RAD18: variants seen among roughly 807,000 people sequenced by gnomAD.
RAD18 encodes the protein E3 ubiquitin-protein ligase RAD18.
RAD18 carries 47 observed loss-of-function variants against 60.4 expected under a neutral mutation model. The ratio of observed to expected loss-of-function variants is 0.78; its 90% CI spans 0.62 to 0.99. The LOEUF (loss-of-function observed/expected upper bound fraction) is 0.99, where lower values mean the gene tolerates loss of function less well. RAD18 is among the 50% of genes least tolerant of loss of function. RAD18 has a pLI of 0.00. For missense variants in RAD18, 640 were observed against 593.3 expected (o/e 1.08, Z -0.82); for synonymous variants, 225 against 195.5 (o/e 1.15, Z -1.26).
intron 7 of RAD18, among the ~76,000 whole-genome samples, chr3:8,919,706 G>C (rs1311465331): frequency 6.6e-6 from 1 of 152,220 alleles, no homozygotes; most frequent in Non-Finnish European, 1.5e-5. Context: ...AGCATAGCTG[G>C]TAGCCATATC....
intron 6 of RAD18, among the ~76,000 whole-genome samples, chr3:8,937,169 C>A (rs1940667562): frequency 6.6e-6 from 1 of 152,164 alleles, no homozygotes; most frequent in South Asian, 2.1e-4. Context: ...AAAATGAAAT[C>A]TCAGTAGGTA....
At chr3:8,940,648 A>G (rs1442861250) in intron 5 of RAD18, among the ~76,000 whole-genome samples, 1 of 152,238 alleles carries the variant, frequency 6.6e-6, no homozygotes, top group Non-Finnish European at 1.5e-5. Context: ...ACAAGCTGAC[A>G]TATTCATCAA....
Position 8,935,856 on chromosome 3 carries a change from G to A in RAD18, c.889+15C>T. The A allele has an allele frequency of 6.5e-7, 1 of 1,544,644 alleles. No homozygotes were observed. Among genetic ancestry groups the A allele is most frequent in the South Asian group, 1.2e-5 (1 of 80,374 alleles). On this transcript the variant is annotated intron_variant, in intron 7 of 12. Transcript: ENST00000264926. ...ATCCAGAAAGTAAGCATAACTCACT[G>A]TTTTATTACTTTACCTGATTTAGGA...
At chr3:8,963,107 A>G (rs900448691) in intron 1 of RAD18, among the ~76,000 whole-genome samples, 14 of 152,174 alleles carry the variant, frequency 9.2e-5, no homozygotes, top group African/African-American at 2.9e-4. Flanking sequence ...AGCTGGTGCC[A>G]TAAGACTGCC....
intron 11 of RAD18, among the ~76,000 whole-genome samples, chr3:8,896,425 C>CAA (rs58427885): frequency 2.6e-5 from 4 of 151,726 alleles, no homozygotes; most frequent in East Asian, 1.9e-4. Context: ...TGGAGAACAG[C>CAA]AAAAAAAAGC....
At chr3:8,935,479 G>A (rs386831) in intron 7 of RAD18, among the ~76,000 whole-genome samples, 107,045 of 151,920 alleles carry the variant, frequency 0.7, 38,153 homozygotes, top group Middle Eastern at 0.78. Context: ...GAAGTGGGTA[G>A]TTATTATAAC....
At chr3:8,882,177 T>C (rs998298738) in intron 12 of RAD18, among the ~76,000 whole-genome samples, 2 of 152,128 alleles carry the variant, frequency 1.3e-5, no homozygotes, top group Non-Finnish European at 2.9e-5. Flanking sequence ...TTCTCTCCCA[T>C]GAAGCATAAG....
intron 2 of RAD18, among the ~76,000 whole-genome samples, chr3:8,950,225 G>A (rs1262442542): frequency 6.6e-6 from 1 of 152,002 alleles, no homozygotes; most frequent in East Asian, 1.9e-4. Context: ...TAGTAGAGAT[G>A]GGGTTTCGCC....
chr3:8,889,258 T>A (rs1308085792), intron 12 of RAD18, among the ~76,000 whole-genome samples: 5 of 152,216 alleles, frequency 3.3e-5, no homozygotes, highest in Admixed American at 3.3e-4. Flanking sequence ...GGTTAGAATC[T>A]CATCTCCATC....
Position 8,899,028 on chromosome 3 carries a change from G to A in RAD18, c.1188C>T (p.Thr396=). 1.9e-6 allele frequency: 3 copies of A among 1,597,058 alleles called. No homozygotes were observed. Among genetic ancestry groups the A allele is most frequent in the South Asian group, 2.3e-5 (2 of 87,468 alleles). ...SVCMGQEDNM[T]SVTNHFSQSK... is the part of the protein sequence containing the mutation. ...ATTGAGAAAAGTGGTTTGTTACTGA[G>A]GTCATATTATCTTCCTGTCCTAGGA... is the stretch of plus-strand genomic sequence containing the variant. Residue 396 remains threonine (T), a synonymous_variant, in exon 11 of 13, where the codon ACC becomes ACT. Coordinates refer to ENST00000264926, the MANE Select transcript of RAD18 (RefSeq NM_020165.4).
intron 6 of RAD18, among the ~76,000 whole-genome samples, chr3:8,939,140 A>T (rs1940701675): frequency 6.6e-6 from 1 of 152,068 alleles, no homozygotes; most frequent in African/African-American, 2.4e-5. Context: ...GAAAAATTCA[A>T]TTTTAAATTT....
chr3:8,931,797 A>T (rs1940557251), intron 7 of RAD18, among the ~76,000 whole-genome samples: 1 of 152,230 alleles, frequency 6.6e-6, no homozygotes, highest in African/African-American at 2.4e-5. Flanking sequence ...GAAAGGACAG[A>T]TATATAGATC....
intron 5 of RAD18, among the ~76,000 whole-genome samples, chr3:8,940,824 T>A (rs890627232): frequency 6.6e-6 from 1 of 152,198 alleles, no homozygotes; most frequent in Admixed American, 6.5e-5. Context: ...AAGGGCCAGG[T>A]AGAATTTAGA....
At chr3:8,911,866 A>C (rs1243534801) in intron 9 of RAD18, among the ~76,000 whole-genome samples, 1 of 152,256 alleles carries the variant, frequency 6.6e-6, no homozygotes, top group African/African-American at 2.4e-5. Flanking sequence ...AGACCATTTA[A>C]GGAAAAGGAA....
chr3:8,946,489 T>C (rs1940841952), intron 4 of RAD18, among the ~76,000 whole-genome samples: 1 of 152,224 alleles, frequency 6.6e-6, no homozygotes, highest in South Asian at 2.1e-4. Flanking sequence ...CAGTACGTCC[T>C]TCATAAAAAT....
Position 8,935,905 on chromosome 3 carries a change from G to A in RAD18, c.855C>T (p.Tyr285=), listed in dbSNP as rs751092567. Residue 285 remains tyrosine (Y), a synonymous_variant, in exon 7 of 13, where the codon TAC becomes TAT. Coordinates refer to ENST00000264926, the MANE Select transcript of RAD18 (RefSeq NM_020165.4). ...GATGCAAAGCATCGCATTGGGCATT[G>A]TACATGTGTACAAATTCTTGGTGCC... is the stretch of plus-strand genomic sequence containing the variant. The part of the protein sequence containing the change: ...IKRHQEFVHM[Y]NAQCDALHPK... 2 of 1,610,070 alleles carry A rather than the reference G, an allele frequency of 1.2e-6. No homozygotes were observed. Among genetic ancestry groups the A allele is most frequent in the South Asian group, 2.2e-5 (2 of 90,210 alleles).
chr3:8,941,410 TTA>T, intron 5 of RAD18, 55 bp downstream of exon 5: 1 of 1,407,358 alleles, frequency 7.1e-7, no homozygotes, highest in South Asian at 1.3e-5. Flanking sequence ...CTATTTATTC[TTA>T]TGTCATGTGG....
intron 7 of RAD18, among the ~76,000 whole-genome samples, chr3:8,924,041 C>T (rs566416086): frequency 8.5e-5 from 13 of 152,318 alleles, no homozygotes; most frequent in Non-Finnish European, 1.8e-4. Flanking sequence ...ATCATAATGA[C>T]AGAATCAAAT....
rs866298414 is a variant in RAD18 at position 8,880,454 on chromosome 3, T to C, written c.*903A>G. The C allele has an allele frequency of 6.6e-6, 1 of 152,236 alleles. No individual in the cohort carries two copies. The highest frequency in any genetic ancestry group is 2.1e-4 in the South Asian group (1 of 4,826). 9.4% of individuals were successfully genotyped at this position (152,236 alleles called of 1,614,324 possible). On this transcript the variant is annotated 3_prime_UTR_variant, in exon 13 of 13. Transcript: ENST00000264926. The stretch of plus-strand genomic sequence containing the variant: ...ATTAAGAACTCTGGAAGCATCTGGC[T>C]ACTGGTAGACATTTTACACAGATAG...
Sources: allele counts gnomAD v4.1 joint callset (sites outside exome capture counted in the v4.1 genomes callset), GRCh38; gene constraint gnomAD v4.1.1; transcripts MANE v1.5; gene names NCBI Gene and HGNC (gene_info 2026-07-23, HGNC 2026-07-21).